GPD2: variants seen among roughly 807,000 people sequenced by gnomAD.
GPD2 encodes glycerol-3-phosphate dehydrogenase, mitochondrial.
A neutral mutation model predicts 82.4 loss-of-function variants in GPD2; 54 were observed. The observed-to-expected ratio is 0.66, with a 90% CI of 0.53 to 0.82. GPD2 has a LOEUF of 0.82. Ranked by LOEUF, GPD2 falls within the 40% of genes least tolerant of loss-of-function variation. The pLI, the probability that GPD2 is intolerant of heterozygous loss-of-function variation, is 0.00. For synonymous variants in GPD2, 288 were observed against 306.1 expected (o/e 0.94, Z 0.62); for missense variants, 748 against 896.2 (o/e 0.83, Z 2.11).
intron 6 of GPD2, among the ~76,000 whole-genome samples, chr2:156,546,010 C>T (rs1218333741): frequency 1.3e-5 from 2 of 152,168 alleles, no homozygotes; most frequent in African/African-American, 4.8e-5. Context: ...AACCTTCATT[C>T]TTTTTGGTGG....
chr2:156,576,357 A>G (rs1344164763), intron 13 of GPD2, among the ~76,000 whole-genome samples: 1 of 152,226 alleles, frequency 6.6e-6, no homozygotes, highest in African/African-American at 2.4e-5. Context: ...AAATTATACA[A>G]CATGGTATAG....
intron 6 of GPD2, among the ~76,000 whole-genome samples, chr2:156,519,959 A>G (rs1685338590): frequency 1.3e-5 from 2 of 152,304 alleles, no homozygotes; most frequent in South Asian, 4.1e-4. Flanking sequence ...CTTGGTACCC[A>G]GGTTCTTGCC....
At chr2:156,523,670 C>CTATA (rs1685497251) in intron 6 of GPD2, among the ~76,000 whole-genome samples, 1 of 146,590 alleles carries the variant, frequency 6.8e-6, no homozygotes, top group Non-Finnish European at 1.5e-5. Context: ...AATTTCTTTT[C>CTATA]TAGATAGATA....
intron 8 of GPD2, among the ~76,000 whole-genome samples, chr2:156,552,815 T>C (rs902982107): frequency 1.3e-5 from 2 of 152,028 alleles, no homozygotes; most frequent in Non-Finnish European, 2.9e-5. Context: ...GCTATAGGAC[T>C]TCTGGGGTTT....
intron 2 of GPD2, among the ~76,000 whole-genome samples, chr2:156,485,111 G>C (rs1468434348): frequency 6.6e-6 from 1 of 152,150 alleles, no homozygotes; most frequent in African/African-American, 2.4e-5. Context: ...TCTTCTTTAA[G>C]GCTGAATAAT....
chr2:156,459,592 G>A (rs1682912020), intron 1 of GPD2, among the ~76,000 whole-genome samples: 1 of 146,604 alleles, frequency 6.8e-6, no homozygotes, highest in Non-Finnish European at 1.5e-5. Flanking sequence ...GGAGCCTGAT[G>A]CAGGAGAATC....
rs1487528936 is a variant in GPD2, at chr2:156,585,521, C to CCAT, written c.*2607_*2609dup. The CCAT allele has an allele frequency of 6.6e-6, 1 of 152,390 alleles. No homozygotes were observed. Among genetic ancestry groups the CCAT allele is most frequent in the Non-Finnish European group, 1.5e-5 (1 of 67,948 alleles). The allele number at this position is 152,390 out of a possible 1,614,324, so 9.4% of individuals were successfully genotyped here. A position where few individuals can be genotyped will look rare whatever the true frequency, so the allele number is the denominator to read the frequency against. On this transcript the variant is annotated 3_prime_UTR_variant, in exon 17 of 17. Transcript: ENST00000438166. ...TAAGCCAAGGTTGTCTGCCTCATAT[C>CCAT]CATCATGCTGTTTGCAATATTCTTG...
the GPD2 span, among the ~76,000 whole-genome samples, chr2:156,407,701 G>A: frequency 6.6e-6 from 1 of 152,096 alleles, no homozygotes; most frequent in East Asian, 1.9e-4. Flanking sequence ...TTTGCTAGTA[G>A]GAACAATGCT....
chr2:156,444,720 T>TACACAC (rs397789170), intron 1 of GPD2, among the ~76,000 whole-genome samples: 530 of 150,188 alleles, frequency 3.5e-3, no homozygotes, highest in South Asian at 9.3e-3. Context: ...CAAAAACAAA[T>TACACAC]ACACACACAC....
At chr2:156,432,069 C>T (rs767160245), upstream of GPD2, among the ~76,000 whole-genome samples, 1 of 151,798 alleles carries the variant, frequency 6.6e-6, no homozygotes, top group Admixed American at 6.6e-5. Context: ...GTATTTTTTA[C>T]TAGAGACAAG....
At chr2:156,519,719 G>A (rs147494583) in intron 6 of GPD2, among the ~76,000 whole-genome samples, 3 of 152,344 alleles carry the variant, frequency 2.0e-5, no homozygotes, top group East Asian at 3.9e-4. Context: ...TGGGACTTGC[G>A]ACAGGGGTGT....
At chr2:156,525,285 T>C (rs1212101748) in intron 6 of GPD2, among the ~76,000 whole-genome samples, 2 of 152,228 alleles carry the variant, frequency 1.3e-5, no homozygotes, top group African/African-American at 4.8e-5. Context: ...AGTTGGCCCC[T>C]GAGCCCTTTT....
chr2:156,523,961 A>G (rs1042153061), intron 6 of GPD2, among the ~76,000 whole-genome samples: 1 of 152,192 alleles, frequency 6.6e-6, no homozygotes, highest in Non-Finnish European at 1.5e-5. Flanking sequence ...AAAATCTTAC[A>G]TATAAGTTGA....
chr2:156,490,897 A>G (rs1258170379), intron 2 of GPD2, among the ~76,000 whole-genome samples: 3 of 152,204 alleles, frequency 2.0e-5, no homozygotes, highest in African/African-American at 4.8e-5. Context: ...AGTCAAGTGT[A>G]TTGAGGTATA....
intron 6 of GPD2, among the ~76,000 whole-genome samples, chr2:156,517,754 AT>A (rs901726334): frequency 4.0e-5 from 6 of 149,428 alleles, no homozygotes; most frequent in South Asian, 2.1e-4. Flanking sequence ...TCAGGAACTT[AT>A]TTTTTTTTTC....
chr2:156,466,940 G>T (rs1683170044), intron 1 of GPD2, among the ~76,000 whole-genome samples: 1 of 152,186 alleles, frequency 6.6e-6, no homozygotes, highest in African/African-American at 2.4e-5. Flanking sequence ...AGGCTGAGAA[G>T]TGGTCCTGGG....
At chr2:156,536,215 A>G (rs1342653043) in intron 6 of GPD2, among the ~76,000 whole-genome samples, 1 of 152,220 alleles carries the variant, frequency 6.6e-6, no homozygotes, top group Non-Finnish European at 1.5e-5. Context: ...TTACAAAAGC[A>G]TCTTTGTGTA....
intron 6 of GPD2, among the ~76,000 whole-genome samples, chr2:156,520,838 A>C (rs934595046): frequency 1.3e-5 from 2 of 152,092 alleles, no homozygotes; most frequent in African/African-American, 4.8e-5. Flanking sequence ...CGCCTGCCTC[A>C]GCCTCTCAAA....
intron 6 of GPD2, among the ~76,000 whole-genome samples, chr2:156,549,076 C>T (rs187294832): frequency 6.6e-6 from 1 of 152,056 alleles, no homozygotes; most frequent in East Asian, 1.9e-4. Flanking sequence ...TTTAAGAAGC[C>T]CTGATCAAAA....
Sources: gnomAD v4.1 joint callset for allele counts (sites outside exome capture counted in the v4.1 genomes callset) on GRCh38, gnomAD v4.1.1 for gene constraint, MANE v1.5 for transcripts, NCBI Gene and HGNC (gene_info 2026-07-23, HGNC 2026-07-21) for gene names.